PCDH9: variants seen among roughly 807,000 people sequenced by gnomAD.
The protein encoded by PCDH9 is protocadherin-9.
In PCDH9, 24 loss-of-function variants were observed where a neutral mutation model predicts 70.6. The ratio of observed to expected loss-of-function variants is 0.34; its 90% CI spans 0.25 to 0.48. The LOEUF is 0.48. PCDH9 is among the 20% of genes least tolerant of loss of function. The probability of loss-of-function intolerance (pLI) is 0.99; values close to 1 mark genes in which losing one functional copy is unlikely to be tolerated. For synonymous variants in PCDH9, 562 were observed against 558.5 expected (o/e 1.01, Z -0.09); for missense variants, 1,281 against 1,503.6 (o/e 0.85, Z 2.45).
At chr13:67,085,034 C>A (rs1287244728) in intron 2 of PCDH9, among the ~76,000 whole-genome samples, 1 of 114,114 alleles carries the variant, frequency 8.8e-6, no homozygotes, top group Non-Finnish European at 1.7e-5. Flanking sequence ...GTATATGTTG[C>A]CATTTCATCT....
chr13:66,703,961 C>T (rs755101509), intron 3 of PCDH9, among the ~76,000 whole-genome samples: 3 of 151,990 alleles, frequency 2.0e-5, no homozygotes, highest in African/African-American at 7.2e-5. Flanking sequence ...TGTAGCCATA[C>T]ATTCACTTTC....
intron 2 of PCDH9, among the ~76,000 whole-genome samples, chr13:67,151,754 A>G (rs1016650613): frequency 6.9e-6 from 1 of 145,790 alleles, no homozygotes; most frequent in Non-Finnish European, 1.5e-5. Flanking sequence ...GGAGAAACTT[A>G]TCATTATGCT....
At chr13:67,084,770 C>T (rs912503220) in intron 2 of PCDH9, among the ~76,000 whole-genome samples, 13 of 150,996 alleles carry the variant, frequency 8.6e-5, no homozygotes, top group Non-Finnish European at 2.9e-5. Flanking sequence ...AGATCGAGAC[C>T]ATCCTGGCCA....
chr13:66,954,955 G>T (rs113628195), intron 2 of PCDH9, among the ~76,000 whole-genome samples: 1 of 152,090 alleles, frequency 6.6e-6, no homozygotes, highest in Non-Finnish European at 1.5e-5. Flanking sequence ...AGTAGAGACA[G>T]GGTTTCACTG....
intron 4 of PCDH9, among the ~76,000 whole-genome samples, chr13:66,314,599 A>G (rs907218643): frequency 6.6e-6 from 1 of 152,188 alleles, no homozygotes; most frequent in Non-Finnish European, 1.5e-5. Context: ...CAATATCAGT[A>G]TATTTGACTA....
chr13:66,474,785 T>G (rs911737962), intron 4 of PCDH9, among the ~76,000 whole-genome samples: 2 of 152,090 alleles, frequency 1.3e-5, no homozygotes, highest in Non-Finnish European at 2.9e-5. Flanking sequence ...TGGGAGTCAC[T>G]ACAACCTACT....
intron 1 of PCDH9, 82 bp from the exon 2 acceptor site, chr13:67,228,657 C>T (rs1328997396): frequency 4.9e-6 from 2 of 407,584 alleles, no homozygotes; most frequent in Middle Eastern, 6.2e-4. Flanking sequence ...ACATTTTCCC[C>T]TGAACATTAG....
At chr13:66,572,817 C>T (rs1057079656) in intron 4 of PCDH9, among the ~76,000 whole-genome samples, 13 of 151,912 alleles carry the variant, frequency 8.6e-5, no homozygotes, top group Admixed American at 3.3e-4. Context: ...TGGAGTGCAG[C>T]GGCATGATCA....
intron 4 of PCDH9, chr13:66,306,212 A>G (rs1353109108): frequency 6.6e-6 from 1 of 152,042 alleles, no homozygotes; most frequent in Non-Finnish European, 1.5e-5. Flanking sequence ...AAATCGCTCA[A>G]TAATTGGAAT....
intron 2 of PCDH9, among the ~76,000 whole-genome samples, chr13:67,092,589 G>A (rs1441533014): frequency 1.3e-5 from 2 of 151,936 alleles, no homozygotes; most frequent in Non-Finnish European, 2.9e-5. Context: ...TTATTCCCCC[G>A]GACTGAGGAG....
At chr13:67,173,686 CA>C (rs2088362821) in intron 2 of PCDH9, among the ~76,000 whole-genome samples, 1 of 152,158 alleles carries the variant, frequency 6.6e-6, no homozygotes, top group South Asian at 2.1e-4. Flanking sequence ...GTTAGCAAGG[CA>C]GCAGAAAGTG....
At chr13:66,973,193 C>G (rs2083554945) in intron 2 of PCDH9, among the ~76,000 whole-genome samples, 2 of 151,988 alleles carry the variant, frequency 1.3e-5, no homozygotes, top group Non-Finnish European at 2.9e-5. Flanking sequence ...TTCCCTAGAA[C>G]ATTGTCCTTG....
At chr13:66,785,151 T>C (rs2080059617) in intron 3 of PCDH9, among the ~76,000 whole-genome samples, 1 of 152,096 alleles carries the variant, frequency 6.6e-6, no homozygotes, top group Admixed American at 6.6e-5. Flanking sequence ...ATGGCATTAT[T>C]CTCCAAAAGT....
intron 2 of PCDH9, among the ~76,000 whole-genome samples, chr13:67,059,741 T>C (rs888296737): frequency 2.6e-5 from 4 of 152,020 alleles, no homozygotes; most frequent in African/African-American, 9.7e-5. Context: ...GTGACACTAA[T>C]TTTCTAATTA....
At chr13:66,410,817 G>A (rs1957357712) in intron 4 of PCDH9, among the ~76,000 whole-genome samples, 7 of 152,206 alleles carry the variant, frequency 4.6e-5, no homozygotes, top group Non-Finnish European at 5.9e-5. Flanking sequence ...TCCACCTAAG[G>A]AAGATAAAAT....
intron 4 of PCDH9, among the ~76,000 whole-genome samples, chr13:66,341,340 T>C (rs561059798): frequency 6.6e-6 from 1 of 152,198 alleles, no homozygotes; most frequent in Admixed American, 6.5e-5. Flanking sequence ...GCAATCCTCC[T>C]GCGCTGGCCA....
At chr13:67,211,675 C>CAT (rs1251475731) in intron 2 of PCDH9, 6 of 151,830 alleles carry the variant, frequency 4.0e-5, no homozygotes, top group South Asian at 2.1e-4. Context: ...TTTAGGAAAA[C>CAT]ATATATATAT....
intron 2 of PCDH9, chr13:67,205,277 T>C (rs2089310485): frequency 6.6e-6 from 1 of 152,220 alleles, no homozygotes; most frequent in South Asian, 2.1e-4. Context: ...CTATCTAAAA[T>C]AGTCCCTTCC....
At chr13:66,936,473 A>T (rs2082917639) in intron 2 of PCDH9, among the ~76,000 whole-genome samples, 1 of 152,148 alleles carries the variant, frequency 6.6e-6, no homozygotes, top group African/African-American at 2.4e-5. Context: ...CTGGAAGAAA[A>T]AATTTAACTC....
Sources: gnomAD v4.1 joint callset for allele counts (sites outside exome capture counted in the v4.1 genomes callset) on GRCh38, gnomAD v4.1.1 for gene constraint, MANE v1.5 for transcripts, NCBI Gene and HGNC (gene_info 2026-07-23, HGNC 2026-07-21) for gene names.